NTRK3: variants seen among roughly 807,000 people sequenced by gnomAD.
NTRK3 encodes neurotrophic receptor tyrosine kinase 3.
A neutral mutation model predicts 91.7 loss-of-function variants in NTRK3; 24 were observed. The ratio of observed to expected loss-of-function variants is 0.26; its 90% CI spans 0.19 to 0.37. NTRK3 has a LOEUF of 0.37. Ranked by LOEUF, NTRK3 falls within the 10% of genes least tolerant of loss-of-function variation. The probability of loss-of-function intolerance (pLI) is 1.00; values close to 1 mark genes in which losing one functional copy is unlikely to be tolerated. For synonymous variants in NTRK3, 483 were observed against 404.0 expected, an observed-to-expected ratio of 1.20 and a Z score of -2.34; for missense variants, 880 against 1,068.9, an observed-to-expected ratio of 0.82 and a Z score of 2.46.
intron 13 of NTRK3, among the ~76,000 whole-genome samples, chr15:88,096,267 T>A (rs2049588371): frequency 6.6e-6 from 1 of 152,092 alleles, no homozygotes; most frequent in African/African-American, 2.4e-5. Context: ...CCTTATTACA[T>A]CCAGAGAGCC....
intron 13 of NTRK3, among the ~76,000 whole-genome samples, chr15:88,105,896 CAGA>C (rs2150923757): frequency 6.6e-6 from 1 of 152,298 alleles, no homozygotes; most frequent in Admixed American, 6.5e-5. Flanking sequence ...ATGAGGACAG[CAGA>C]AGTTCAGAAA....
chr15:87,862,815 G>A (rs2064562152), exon 19 of NTRK3: 1 of 229,800 alleles, frequency 4.4e-6, no homozygotes. Context: ...CAGGGTTGAA[G>A]GGTGGATGCT....
At chr15:88,011,181 C>G (rs943502572) in intron 14 of NTRK3, among the ~76,000 whole-genome samples, 1 of 152,150 alleles carries the variant, frequency 6.6e-6, no homozygotes, top group African/African-American at 2.4e-5. Context: ...ATCCAGAGCT[C>G]CTGAGTGTCC....
At chr15:88,051,756 C>T (rs2080847945) in intron 13 of NTRK3, among the ~76,000 whole-genome samples, 2 of 152,274 alleles carry the variant, frequency 1.3e-5, no homozygotes, top group East Asian at 1.9e-4. Flanking sequence ...CAGTGGTTAG[C>T]TAACTCAAGA....
chr15:88,135,755 C>T, intron 9 of NTRK3, 144 bp downstream of exon 9: 1 of 1,122,456 alleles, frequency 8.9e-7, no homozygotes, highest in Non-Finnish European at 1.3e-6. Flanking sequence ...ACTTCTCAGT[C>T]CTGCCCTACA....
intron 13 of NTRK3, among the ~76,000 whole-genome samples, chr15:88,104,284 G>A (rs961693023): frequency 1.3e-5 from 2 of 152,306 alleles, no homozygotes; most frequent in South Asian, 2.1e-4. Flanking sequence ...GTTTGGACAC[G>A]GGTAGATTAT....
intron 14 of NTRK3, among the ~76,000 whole-genome samples, chr15:87,983,026 G>A (rs747737820): frequency 8.5e-5 from 13 of 152,184 alleles, no homozygotes; most frequent in Non-Finnish European, 1.8e-4. Flanking sequence ...TCTGAGATGA[G>A]ACTATTACCT....
At chr15:88,249,665 T>C (rs2053169960) in intron 3 of NTRK3, among the ~76,000 whole-genome samples, 2 of 152,134 alleles carry the variant, frequency 1.3e-5, no homozygotes, top group East Asian at 3.9e-4. Flanking sequence ...TTGGGGGTTC[T>C]CAGGACTCCA....
rs147518790 is a variant in NTRK3 at position 88,211,201 on chromosome 15, G to T, written c.249-26902C>A. Among the ~76,000 whole-genome samples the T allele has an allele frequency of 2.5e-3, 385 of 152,162 alleles. 6 individuals carry two copies. The highest frequency in any genetic ancestry group is 9.0e-3 in the African/African-American group (372 of 41,496). ...CACTCCCCTTTCTTCCCTTTCCCCA[G>T]TCCCTGGCAACTATGGATTTATCAA... On this transcript the variant is annotated intron_variant, in intron 3 of 18. Coordinates refer to ENST00000394480, the Ensembl canonical transcript of NTRK3.
intron 3 of NTRK3, among the ~76,000 whole-genome samples, chr15:88,197,094 CAA>C (rs59553739): frequency 0.013 from 733 of 56,266 alleles, no homozygotes; most frequent in Non-Finnish European, 0.018. Flanking sequence ...TTGAGCAGGA[CAA>C]AAAAAAAAAA....
chr15:88,058,029 G>A (rs2045880304), intron 13 of NTRK3, among the ~76,000 whole-genome samples: 2 of 152,240 alleles, frequency 1.3e-5, no homozygotes, highest in Admixed American at 1.3e-4. Flanking sequence ...AAGCCACGGG[G>A]TGACAAAGCT....
intron 13 of NTRK3, among the ~76,000 whole-genome samples, chr15:88,054,919 T>A (rs1487308367): frequency 6.6e-6 from 1 of 152,148 alleles, no homozygotes; most frequent in African/African-American, 2.4e-5. Context: ...ATTTTGCAGA[T>A]GAGAAAACTG....
chr15:87,976,180 T>G (rs1047154200), intron 14 of NTRK3, among the ~76,000 whole-genome samples: 1 of 152,094 alleles, frequency 6.6e-6, no homozygotes, highest in Non-Finnish European at 1.5e-5. Flanking sequence ...CCTCAACCCT[T>G]CAGGCATCCC....
At chr15:87,968,720 G>T (rs2073000962) in intron 14 of NTRK3, among the ~76,000 whole-genome samples, 1 of 152,126 alleles carries the variant, frequency 6.6e-6, no homozygotes, top group South Asian at 2.1e-4. Flanking sequence ...ATTGTCAAGG[G>T]TATGCAAAAA....
chr15:87,946,254 G>C (rs2070485814), intron 14 of NTRK3: 1 of 152,170 alleles, frequency 6.6e-6, no homozygotes. Flanking sequence ...GTTTGCGGGA[G>C]GAGGTTGGTC....
At chr15:88,083,596 C>G (rs896938813) in intron 13 of NTRK3, among the ~76,000 whole-genome samples, 8 of 152,072 alleles carry the variant, frequency 5.3e-5, no homozygotes, top group African/African-American at 4.8e-5. Context: ...CAGTATGGGC[C>G]AAGATGGGAC....
At chr15:87,945,886 A>C (rs1446260581) in intron 14 of NTRK3, among the ~76,000 whole-genome samples, 1 of 151,448 alleles carries the variant, frequency 6.6e-6, no homozygotes, top group African/African-American at 2.4e-5. Flanking sequence ...TATCCTCTCC[A>C]CACCTCTAGT....
chr15:88,087,925 C>G (rs928212042), intron 13 of NTRK3, among the ~76,000 whole-genome samples: 2 of 152,142 alleles, frequency 1.3e-5, no homozygotes, highest in Admixed American at 1.3e-4. Context: ...GTGGCATGCC[C>G]TATTAATCCC....
chr15:88,083,884 G>A (rs184511306), intron 13 of NTRK3, among the ~76,000 whole-genome samples: 1 of 152,070 alleles, frequency 6.6e-6, no homozygotes, highest in Admixed American at 6.6e-5. Flanking sequence ...GGAGGGGAGG[G>A]GTGTAAGGCT....
Sources: gnomAD v4.1 joint callset for allele counts (sites outside exome capture counted in the v4.1 genomes callset) on GRCh38, gnomAD v4.1.1 for gene constraint, MANE v1.5 for transcripts, NCBI Gene and HGNC (gene_info 2026-07-23, HGNC 2026-07-21) for gene names.